The following ZNF43 variants were observed in gnomAD, a reference collection of about 807,000 sequenced individuals.
The protein encoded by ZNF43 is zinc finger protein 39-like 1 (KOX 27).
Under a neutral mutation model 68.4 loss-of-function variants are expected in ZNF43, and 44 were observed. That is an observed-to-expected ratio of 0.64 (90% CI 0.51 to 0.83). ZNF43 has a LOEUF of 0.83. Ranked by LOEUF, ZNF43 falls within the 40% of genes least tolerant of loss-of-function variation. The pLI is 0.00. For synonymous variants in ZNF43, 308 were observed against 307.8 expected, an observed-to-expected ratio of 1.00 and a Z score of -0.01; for missense variants, 896 against 933.2, an observed-to-expected ratio of 0.96 and a Z score of 0.52.
At chr19:21,818,412 ATTT>A in intron 2 of ZNF43, among the ~76,000 whole-genome samples, 1 of 151,718 alleles carries the variant, frequency 6.6e-6, no homozygotes. Context: ...CAAAATACTA[ATTT>A]TTAACAAAAA....
chr19:21,827,179 T>C (rs957087085), intron 1 of ZNF43: 7 of 152,120 alleles, frequency 4.6e-5, no homozygotes, highest in Admixed American at 3.9e-4. Context: ...TCAGCAGAAT[T>C]TTCTAAGGTT....
At position 21,851,912 on chromosome 19, in the gene ZNF43, C is replaced by T; in HGVS notation, c.23G>A (p.Trp8Ter). 3 of 1,580,784 alleles carry T rather than the reference C, an allele frequency of 1.9e-6. No individual in the cohort carries two copies. The highest frequency in any genetic ancestry group is 2.3e-5 in the East Asian group (1 of 43,700). The change falls in exon 1 of 4, where the codon TGG becomes TAG. Residue 8 changes from tryptophan to a stop codon, truncating the protein, a stop_gained. Coordinates refer to the ZNF43 transcript ENST00000357491. LOFTEE classifies it high-confidence loss of function. ...CTAACCCCGCACACTCACCATTTCC[C>T]AGCTTCCAGGATGTCCGGGCATCTT... is the stretch of plus-strand genomic sequence containing the variant.
chr19:21,832,637 C>CA (rs1454103298), intron 1 of ZNF43, among the ~76,000 whole-genome samples: 1 of 111,682 alleles, frequency 9.0e-6, no homozygotes, highest in Non-Finnish European at 1.9e-5. Flanking sequence ...GAGGCCAAGG[C>CA]AGGCAGATAA....
intron 1 of ZNF43, among the ~76,000 whole-genome samples, chr19:21,842,100 GC>G (rs1183262959): frequency 2.0e-5 from 3 of 151,978 alleles, no homozygotes; most frequent in Non-Finnish European, 2.9e-5. Context: ...TCACCAAGGT[GC>G]TAGGCCCAGT....
Position 21,809,679 on chromosome 19 carries a change from T to C in ZNF43, c.358A>G (p.Ser120Gly), listed in dbSNP as rs2037183582. 23 of 1,613,504 alleles carry C rather than the reference T, an allele frequency of 1.4e-5. No individual in the cohort carries two copies. Among genetic ancestry groups the C allele is most frequent in the Non-Finnish European group, 1.9e-5 (22 of 1,179,828 alleles). Residue 120 changes from serine (S) to glycine (G), a missense_variant, in exon 4 of 4, where the codon AGT (serine) becomes GGT (glycine). Ser to Gly is a moderately conservative substitution (Grantham distance 56). Coordinates refer to ENST00000354959, the MANE Select transcript of ZNF43 (RefSeq NM_003423.4). ...KNVHLKKDHK[S>G]VDECKVHRGG... ...CTGTGCACCTTACACTCATCCACAC[T>C]TTTATGGTCTTTTTTTAAATGTACA...
chr19:21,828,341 A>G (rs1320791315), intron 1 of ZNF43, among the ~76,000 whole-genome samples: 1 of 152,208 alleles, frequency 6.6e-6, no homozygotes, highest in Non-Finnish European at 1.5e-5. Flanking sequence ...GCACTTTGGG[A>G]GGCCAAGGCG....
chr19:21,847,303 C>G (rs951770712), intron 1 of ZNF43, among the ~76,000 whole-genome samples: 12 of 152,084 alleles, frequency 7.9e-5, no homozygotes, highest in African/African-American at 2.2e-4. Flanking sequence ...TTCAGCTGAG[C>G]ATTATGTCAC....
chr19:21,851,827 G>C, intron 1 of ZNF43: 1 of 1,461,690 alleles, frequency 6.8e-7, no homozygotes, highest in Non-Finnish European at 9.2e-7. Context: ...GGACTCAGGA[G>C]CGGACTGTGA....
At chr19:21,818,015 A>C (rs1226218151) in intron 2 of ZNF43, 29 bp from the exon 3 acceptor site, 10 of 1,588,378 alleles carry the variant, frequency 6.3e-6, no homozygotes, top group African/African-American at 1.3e-5. Flanking sequence ...AATTACGTGA[A>C]TCTTGCTCAT....
intron 1 of ZNF43, among the ~76,000 whole-genome samples, chr19:21,832,174 A>G (rs2038453953): frequency 1.3e-5 from 2 of 152,212 alleles, no homozygotes; most frequent in Non-Finnish European, 2.9e-5. Context: ...TGGTACTGTT[A>G]TAGAAACAAA....
At chr19:21,844,347 C>CAAA (rs57500822) in intron 1 of ZNF43, among the ~76,000 whole-genome samples, 1,122 of 43,080 alleles carry the variant, frequency 0.026, 48 homozygotes, top group South Asian at 0.055. Context: ...GACTCTGTCT[C>CAAA]AAAAAAAAAA....
chr19:21,809,006 C>T lies in ZNF43; in HGVS notation c.1031G>A (p.Cys344Tyr). 1 of 1,613,476 alleles carries T rather than the reference C, an allele frequency of 6.2e-7. No individual in the cohort carries two copies. Among genetic ancestry groups the T allele is most frequent in the Non-Finnish European group, 8.5e-7 (1 of 1,179,740 alleles). ...RIHTGEKPYTCEECGKAFNQF... is the reference protein window; with the variant it reads ...RIHTGEKPYTYEECGKAFNQF... ...GTTAAAGGCTTTGCCACATTCTTCA[C>T]ATGTGTAGGGTTTCTCTCCAGTATG... Residue 344 changes from cysteine to tyrosine, a missense_variant, in exon 4 of 4, where the codon TGT (cysteine) becomes TAT (tyrosine). Transcript: ENST00000354959.
intron 1 of ZNF43, among the ~76,000 whole-genome samples, chr19:21,832,980 A>T (rs1255514411): frequency 6.6e-6 from 1 of 152,262 alleles, no homozygotes; most frequent in Non-Finnish European, 1.5e-5. Context: ...ATGATAGGAT[A>T]TAGAATACAG....
At chr19:21,815,088 T>C (rs2037456630) in intron 3 of ZNF43, among the ~76,000 whole-genome samples, 1 of 151,506 alleles carries the variant, frequency 6.6e-6, no homozygotes, top group Admixed American at 6.6e-5. Flanking sequence ...CTCAGGAGGC[T>C]GAGACAGGAG....
At chr19:21,830,412 C>G (rs188146675) in intron 1 of ZNF43, among the ~76,000 whole-genome samples, 1 of 151,398 alleles carries the variant, frequency 6.6e-6, no homozygotes, top group African/African-American at 2.4e-5. Context: ...CAAATAAACA[C>G]GATTAGAAAT....
Position 21,809,538 on chromosome 19 carries a change from T to G in ZNF43, c.499A>C (p.Ser167Arg). The change falls in exon 4 of 4, where the codon AGC (serine) becomes CGC (arginine). Residue 167 changes from serine (S) to arginine (R), a missense_variant. Coordinates refer to ENST00000354959, the MANE Select transcript of ZNF43 (RefSeq NM_003423.4). ...TTGAAAAGTTTTTTTTCAGTATGGC[T>G]TATCTTATGTCTGTTTGAATTTGAA... is the stretch of plus-strand genomic sequence containing the variant. ...KFSNSNRHKI[S>R]HTEKKLFKCK... 2 of 1,613,430 alleles carry G rather than the reference T, an allele frequency of 1.2e-6. No individual in the cohort carries two copies. The highest frequency in any genetic ancestry group is 1.7e-6 in the Non-Finnish European group (2 of 1,179,706).
intron 3 of ZNF43, among the ~76,000 whole-genome samples, chr19:21,810,716 AG>A (rs2037232110): frequency 6.6e-6 from 1 of 152,170 alleles, no homozygotes; most frequent in African/African-American, 2.4e-5. Flanking sequence ...TGGAAACAAA[AG>A]TAGGAGGATC....
chr19:21,814,782 TAC>T (rs1233318788), intron 3 of ZNF43, among the ~76,000 whole-genome samples: 1 of 152,128 alleles, frequency 6.6e-6, no homozygotes, highest in Non-Finnish European at 1.5e-5. Context: ...GAAATTATAA[TAC>T]ATAGGTAAAA....
chr19:21,837,415 CTTTTTTTT>C (rs539940868), upstream of ZNF43, among the ~76,000 whole-genome samples: 153 of 83,970 alleles, frequency 1.8e-3, no homozygotes, highest in Non-Finnish European at 2.6e-3. Flanking sequence ...CCTACACTTA[CTTTTTTTT>C]TTTTTTTTTT....
Sources: gnomAD v4.1 joint callset for allele counts (sites outside exome capture counted in the v4.1 genomes callset) on GRCh38, gnomAD v4.1.1 for gene constraint, MANE v1.5 for transcripts, NCBI Gene and HGNC (gene_info 2026-07-23, HGNC 2026-07-21) for gene names.